The following GPR137C variants were observed in gnomAD, a reference collection of about 807,000 sequenced individuals.
GPR137C encodes integral membrane protein GPR137C.
Under a neutral mutation model 43.4 loss-of-function variants are expected in GPR137C, and 27 were observed. The observed-to-expected ratio is 0.62, with a 90% confidence interval of 0.46 to 0.86. GPR137C has a LOEUF of 0.86. Ranked by LOEUF, GPR137C falls within the 40% of genes least tolerant of loss-of-function variation. The pLI, the probability that GPR137C is intolerant of heterozygous loss-of-function variation, is 0.00. For missense variants in GPR137C, 522 were observed against 534.6 expected, an observed-to-expected ratio of 0.98 and a Z score of 0.23; for synonymous variants, 285 against 226.9, an observed-to-expected ratio of 1.26 and a Z score of -2.30.
intron 1 of GPR137C, among the ~76,000 whole-genome samples, chr14:52,583,293 A>G (rs1042048216): frequency 1.3e-5 from 2 of 152,204 alleles, no homozygotes; most frequent in African/African-American, 2.4e-5. Flanking sequence ...TTTTTAACTC[A>G]TGATCATGTC....
intron 1 of GPR137C, among the ~76,000 whole-genome samples, chr14:52,562,295 GAAT>G (rs1159482472): frequency 1.3e-5 from 2 of 152,094 alleles, no homozygotes; most frequent in Non-Finnish European, 2.9e-5. Flanking sequence ...ATAAAAATTA[GAAT>G]AATAATACCT....
chr14:52,558,748 T>G (rs944986616), intron 1 of GPR137C, among the ~76,000 whole-genome samples: 2 of 152,170 alleles, frequency 1.3e-5, no homozygotes, highest in Admixed American at 1.3e-4. Flanking sequence ...AATTGGCACA[T>G]TTGGAAATCA....
chr14:52,569,531 A>G (rs1422323764), intron 1 of GPR137C, among the ~76,000 whole-genome samples: 1 of 152,058 alleles, frequency 6.6e-6, no homozygotes, highest in East Asian at 1.9e-4. Flanking sequence ...AATGCAAGGA[A>G]GCTAAGAACC....
chr14:52,566,303 A>G (rs2038368921), intron 1 of GPR137C, among the ~76,000 whole-genome samples: 1 of 152,160 alleles, frequency 6.6e-6, no homozygotes, highest in African/African-American at 2.4e-5. Context: ...AAAAGCTTAA[A>G]TATTTTCTTA....
chr14:52,616,283 T>TTTTGTTTG lies in GPR137C; in HGVS notation c.718-15857_718-15850dup, dbSNP rs147673852. Reference sequence around the variant, plus strand: ...CTAAAATTCACACATATGTTCTCTTTTTTGTTTGTTTGTTTGTTTGTTTGT... The same window carrying TTTTGTTTG: ...CTAAAATTCACACATATGTTCTCTTTTTTGTTTGTTTGTTTGTTTGTTTGTTTGTTTGT... On this transcript the variant is annotated intron_variant, in intron 3 of 6. Transcript: ENST00000321662. 2.7e-3 allele frequency among the ~76,000 whole-genome samples: 410 copies of TTTTGTTTG among 151,826 alleles called. 2 individuals are homozygous for TTTTGTTTG. Among genetic ancestry groups the TTTTGTTTG allele is most frequent in the African/African-American group, 9.0e-3 (373 of 41,414 alleles).
intron 3 of GPR137C, among the ~76,000 whole-genome samples, chr14:52,619,879 T>C (rs1302864684): frequency 1.3e-5 from 2 of 152,122 alleles, no homozygotes; most frequent in African/African-American, 4.8e-5. Context: ...TTGTTTTTAA[T>C]GCTGAGGTTG....
At chr14:52,597,962 G>A (rs898728670) in intron 1 of GPR137C, among the ~76,000 whole-genome samples, 1 of 152,120 alleles carries the variant, frequency 6.6e-6, no homozygotes, top group African/African-American at 2.4e-5. Flanking sequence ...TTTAGGATAG[G>A]TGGCAAGCCA....
chr14:52,554,055 C>CTA, intron 1 of GPR137C, among the ~76,000 whole-genome samples: 1 of 152,292 alleles, frequency 6.6e-6, no homozygotes, highest in Admixed American at 6.5e-5. Context: ...TGTTCCTCTG[C>CTA]TATTGTTGCT....
At chr14:52,555,822 A>G (rs898591239) in intron 1 of GPR137C, among the ~76,000 whole-genome samples, 14 of 152,184 alleles carry the variant, frequency 9.2e-5, no homozygotes, top group Non-Finnish European at 4.4e-5. Context: ...ACACAGTTGT[A>G]CTTAAGAGAA....
chr14:52,557,345 A>T (rs1370297072), intron 1 of GPR137C, among the ~76,000 whole-genome samples: 3 of 152,202 alleles, frequency 2.0e-5, no homozygotes, highest in Non-Finnish European at 4.4e-5. Flanking sequence ...TTTCTGCCTA[A>T]AAGATTTCAT....
chr14:52,577,183 CAAAAAAAAAAAAAA>C (rs34249999), intron 1 of GPR137C, among the ~76,000 whole-genome samples: 6 of 41,148 alleles, frequency 1.5e-4, no homozygotes, highest in East Asian at 8.3e-4. Context: ...TAAGACTCCT[CAAAAAAAAAAAAAA>C]AAAAAAAAAA....
At chr14:52,566,066 C>A (rs146724287) in intron 1 of GPR137C, among the ~76,000 whole-genome samples, 1 of 152,242 alleles carries the variant, frequency 6.6e-6, no homozygotes, top group East Asian at 1.9e-4. Context: ...TACAGTATCT[C>A]AATTCTGTCT....
intron 1 of GPR137C, among the ~76,000 whole-genome samples, chr14:52,589,157 T>A (rs1182166874): frequency 6.6e-6 from 1 of 152,202 alleles, no homozygotes; most frequent in African/African-American, 2.4e-5. Flanking sequence ...AATCTACTTA[T>A]ATGAGGTACA....
In GPR137C at chr14:52,553,302, T is replaced by A; in HGVS notation, c.155T>A (p.Leu52Gln). ...TCCGTGCAGTTGGCGCTGAGCGTCC[T>A]GCACGCCCTGCTCTACGCCGCGCTG... is the stretch of plus-strand genomic sequence containing the variant. ...PGSVQLALSV[L>Q]HALLYAALFA... Residue 52 changes from leucine (L) to glutamine (Q), a missense_variant, in exon 1 of 7, where the codon CTG (leucine) becomes CAG (glutamine). Coordinates refer to ENST00000321662, the MANE Select transcript of GPR137C (RefSeq NM_001099652.2). 1 of 1,557,372 alleles carries A rather than the reference T, an allele frequency of 6.4e-7. No individual in the cohort carries two copies. Among genetic ancestry groups the A allele is most frequent in the Non-Finnish European group, 8.6e-7 (1 of 1,157,920 alleles).
intron 3 of GPR137C, among the ~76,000 whole-genome samples, chr14:52,627,881 T>A (rs1413284658): frequency 6.6e-6 from 1 of 152,114 alleles, no homozygotes; most frequent in African/African-American, 2.4e-5. Flanking sequence ...AATAAAGTAG[T>A]GCTTTCCTAT....
intron 3 of GPR137C, among the ~76,000 whole-genome samples, chr14:52,605,260 A>G (rs373767610): frequency 6.6e-6 from 1 of 151,988 alleles, no homozygotes; most frequent in African/African-American, 2.4e-5. Flanking sequence ...TTCATTATAG[A>G]GATCTTTTAC....
intron 1 of GPR137C, among the ~76,000 whole-genome samples, chr14:52,590,537 C>T (rs956602344): frequency 6.6e-6 from 1 of 152,210 alleles, no homozygotes; most frequent in African/African-American, 2.4e-5. Flanking sequence ...CCCAGAGCAA[C>T]TTCCAGCCCT....
In GPR137C at chr14:52,635,082, T is replaced by A; in HGVS notation, c.1257T>A (p.Asn419Lys). The part of the protein sequence containing the change: ...LFTCSNLDLN[N>K]HHSLYVTPQN ...CTTGTAGTAATTTAGATTTGAACAA[T>A]CATCATAGCTTATATGTGACACCAC... The change falls in exon 7 of 7, where the codon AAT becomes AAA. Residue 419 changes from asparagine (N) to lysine (K), a missense_variant. Transcript: ENST00000321662. The A allele has an allele frequency of 1.3e-6, 2 of 1,598,290 alleles. No homozygotes were observed. Among genetic ancestry groups the A allele is most frequent in the Non-Finnish European group, 1.7e-6 (2 of 1,175,152 alleles).
In GPR137C at chr14:52,626,142, GTAAAAC is replaced by G. The variant is rs2039224609; in HGVS notation, c.718-6015_718-6010del. Among the ~76,000 whole-genome samples the G allele has an allele frequency of 2.6e-5, 4 of 152,264 alleles. No homozygotes were observed. The South Asian group carries it at 8.3e-4, about 32-fold the overall frequency. ...ATACAGTAGGATGTGCACATTATAT[GTAAAAC>G]TATACCATTTTATGTAAGGGACTTG... On this transcript the variant is annotated intron_variant, in intron 3 of 6. Transcript: ENST00000321662.
Sources: gnomAD v4.1 joint callset for allele counts (sites outside exome capture counted in the v4.1 genomes callset) on GRCh38, gnomAD v4.1.1 for gene constraint, MANE v1.5 for transcripts, NCBI Gene and HGNC (gene_info 2026-07-23, HGNC 2026-07-21) for gene names.